CASS4: variants seen among roughly 807,000 people sequenced by gnomAD.
The protein encoded by CASS4 is cas scaffolding protein family member 4.
CASS4 carries 22 observed loss-of-function variants against 54.2 expected under a neutral mutation model. That is an observed-to-expected ratio of 0.41 (90% CI 0.29 to 0.58). The LOEUF is 0.58. CASS4 is among the 20% of genes least tolerant of loss of function. CASS4 has a pLI of 0.36. For missense variants in CASS4, 854 were observed against 986.7 expected (o/e 0.87, Z 1.80); for synonymous variants, 409 against 391.5 (o/e 1.04, Z -0.53).
At chr20:56,438,281 C>A (rs990029108) in intron 2 of CASS4, among the ~76,000 whole-genome samples, 3 of 33,266 alleles carry the variant, frequency 9.0e-5, no homozygotes, top group Non-Finnish European at 1.7e-4. Context: ...CAGTGAGAAC[C>A]TGTTTTCAAA....
At position 56,444,981 on chromosome 20, in the gene CASS4, G is replaced by A. The variant is rs976064235; in HGVS notation, c.460-919G>A. On this transcript the variant is annotated intron_variant, in intron 2 of 5. Coordinates refer to ENST00000679887, the MANE Select transcript of CASS4 (RefSeq NM_020356.4). ...CAAAATTAGCCTGGCATGGAGGCAT[G>A]TGCCTGTAGTCCCAGCTACTCAGGA... Among the ~76,000 whole-genome samples the A allele has an allele frequency of 5.3e-5, 8 of 152,236 alleles. 1 individual carries two copies. Among genetic ancestry groups the A allele is most frequent in the East Asian group, 1.9e-4 (1 of 5,182 alleles).
rs557381336 is a variant in CASS4, at chr20:56,415,859, G to A, written c.36+3365G>A. Among the ~76,000 whole-genome samples, 4 of 152,322 alleles carry A rather than the reference G, an allele frequency of 2.6e-5. No homozygotes were observed. In the South Asian group the frequency reaches 8.3e-4, roughly 32 times the overall value. On this transcript the variant is annotated intron_variant, in intron 1 of 5. Transcript: ENST00000679887. ...TTCACCTTTGTGCATGGCAGATTTT[G>A]TGTAATATCCAGACTGATTTATTCT...
intron 1 of CASS4, among the ~76,000 whole-genome samples, chr20:56,434,890 C>T (rs1600757617): frequency 2.6e-5 from 4 of 152,114 alleles, no homozygotes; most frequent in Admixed American, 2.0e-4. Context: ...ACACAAAAAC[C>T]GAAGGATTAA....
chr20:56,426,808 G>A (rs972431390), intron 1 of CASS4, among the ~76,000 whole-genome samples: 3 of 152,070 alleles, frequency 2.0e-5, no homozygotes, highest in African/African-American at 4.8e-5. Context: ...AAACTCCTGA[G>A]TTCAAAGTGA....
chr20:56,434,275 G>A (rs535897035), intron 1 of CASS4, among the ~76,000 whole-genome samples: 2 of 152,244 alleles, frequency 1.3e-5, no homozygotes, highest in East Asian at 1.9e-4. Context: ...CTATAAAGAT[G>A]ATCATTTCAG....
At chr20:56,453,425 T>G (rs970042519) in intron 5 of CASS4, 6 of 233,678 alleles carry the variant, frequency 2.6e-5, no homozygotes, top group Non-Finnish European at 3.3e-5. Flanking sequence ...TCTTAAAAAT[T>G]TATTATTTGA....
At chr20:56,427,762 C>G (rs1034028892) in intron 1 of CASS4, among the ~76,000 whole-genome samples, 22 of 152,210 alleles carry the variant, frequency 1.4e-4, no homozygotes, top group African/African-American at 5.1e-4. Flanking sequence ...TGTGGTTTCT[C>G]TATAACTAAC....
At chr20:56,441,033 G>T (rs1244698655) in intron 2 of CASS4, among the ~76,000 whole-genome samples, 1 of 147,162 alleles carries the variant, frequency 6.8e-6, no homozygotes, top group African/African-American at 2.6e-5. Context: ...CTGTCACCCA[G>T]GCTGGAGTGC....
intron 4 of CASS4, 135 bp from the exon 5 acceptor site, chr20:56,451,684 C>T: frequency 4.5e-6 from 3 of 671,018 alleles, no homozygotes; most frequent in Non-Finnish European, 7.6e-6. Context: ...TCAAAAGAAT[C>T]CTGAAGGACC....
chr20:56,455,871 C>T (rs1362757494), intron 5 of CASS4, among the ~76,000 whole-genome samples: 3 of 152,078 alleles, frequency 2.0e-5, no homozygotes, highest in Non-Finnish European at 4.4e-5. Flanking sequence ...GCAGAGGTTG[C>T]GGTGAGCTGA....
intron 1 of CASS4, among the ~76,000 whole-genome samples, chr20:56,428,484 GC>G: frequency 6.6e-6 from 1 of 152,332 alleles, no homozygotes; most frequent in Non-Finnish European, 1.5e-5. Context: ...TAAGACCTCA[GC>G]TGCGGGCTGG....
At chr20:56,458,304 G>T in intron 5 of CASS4, 36 bp from the exon 6 acceptor site, 1 of 1,576,852 alleles carries the variant, frequency 6.3e-7, no homozygotes, top group Non-Finnish European at 8.7e-7. Flanking sequence ...CCCATTGATT[G>T]AATCTCCTAT....
rs201858337 is a variant in CASS4 at position 56,455,935 on chromosome 20, A to AAAAC, written c.1954-2393_1954-2390dup. Among the ~76,000 whole-genome samples the AAAAC allele has an allele frequency of 7.0e-3, 1,063 of 151,976 alleles. 19 individuals are homozygous for AAAAC. The highest frequency in any genetic ancestry group is 0.024 in the African/African-American group (998 of 41,400). ...AACAAGAACAAGACTCTGTCTCAAG[A>AAAAC]AAACAAACAAACAAAAACAAACAAA... On this transcript the variant is annotated intron_variant, in intron 5 of 5. Coordinates refer to ENST00000679887, the MANE Select transcript of CASS4 (RefSeq NM_020356.4).
Position 56,440,038 on chromosome 20 carries a change from A to G in CASS4, c.459+2452A>G, listed in dbSNP as rs1265436725. Among the ~76,000 whole-genome samples, 4 of 152,394 alleles carry G rather than the reference A, an allele frequency of 2.6e-5. No homozygotes were observed. The East Asian group carries it at 7.7e-4, about 29-fold the overall frequency. On this transcript the variant is annotated intron_variant, in intron 2 of 5. Transcript: ENST00000679887. ...CCAGCTTCCAAGGTTGTCTTCAAAC[A>G]GGAAAGTGTTGATTCCTTAGAAGAT...
At chr20:56,451,236 G>A (rs1390829372) in intron 4 of CASS4, among the ~76,000 whole-genome samples, 1 of 152,114 alleles carries the variant, frequency 6.6e-6, no homozygotes, top group Non-Finnish European at 1.5e-5. Context: ...AAAGGACCCG[G>A]GACAGTGCCT....
chr20:56,458,980 TA>T lies in CASS4; in HGVS notation c.*234del. On this transcript the variant is annotated 3_prime_UTR_variant, in exon 6 of 6. Coordinates refer to ENST00000679887, the MANE Select transcript of CASS4 (RefSeq NM_020356.4). ...GGTAAAGACCTTGTGAAGTTTAGCATATATGGAGTATGCAGTATCAGCTTGA... is the reference window on the plus strand; with the variant it reads ...GGTAAAGACCTTGTGAAGTTTAGCATTATGGAGTATGCAGTATCAGCTTGA... 1.9e-6 allele frequency: 1 copy of T among 518,046 alleles called. No individual in the cohort carries two copies. Among genetic ancestry groups the T allele is most frequent in the South Asian group, 3.2e-5 (1 of 31,120 alleles). 32.1% of individuals were successfully genotyped at this position (518,046 alleles called of 1,614,324 possible). A position where few individuals can be genotyped will look rare whatever the true frequency, so the allele number is the denominator to read the frequency against.
intron 1 of CASS4, among the ~76,000 whole-genome samples, chr20:56,424,769 G>A (rs1414984082): frequency 6.8e-6 from 1 of 146,416 alleles, no homozygotes; most frequent in Admixed American, 7.0e-5. Flanking sequence ...AAAAATCACA[G>A]GTTCTTTCTT....
intron 1 of CASS4, among the ~76,000 whole-genome samples, chr20:56,431,647 A>AAACCCC (rs1223513403): frequency 1.3e-5 from 2 of 152,206 alleles, no homozygotes; most frequent in Admixed American, 1.3e-4. Context: ...ATGATCATAA[A>AAACCCC]AACCCCATTG....
In CASS4 at chr20:56,458,684, C is replaced by CCT; in HGVS notation, c.2300_2301dup (p.Gln768SerfsTer57). On this transcript the variant is annotated frameshift_variant, in exon 6 of 6. Transcript: ENST00000679887. LOFTEE classifies it high-confidence loss of function. ...ACCCCAGCCCTGCCGCGCTGGGGCA[C>CCT]CTCCAGGCGGAGGCTGAGAAGCTGG... 1 of 1,612,634 alleles carries CCT rather than the reference C, an allele frequency of 6.2e-7. No individual in the cohort carries two copies. Among genetic ancestry groups the CCT allele is most frequent in the South Asian group, 1.1e-5 (1 of 90,922 alleles).
Sources: allele counts gnomAD v4.1 joint callset (sites outside exome capture counted in the v4.1 genomes callset), GRCh38; gene constraint gnomAD v4.1.1; transcripts MANE v1.5; gene names NCBI Gene and HGNC (gene_info 2026-07-23, HGNC 2026-07-21).